PPOX: variants seen among roughly 807,000 people sequenced by gnomAD.
PPOX encodes the protein variegate porphyria.
A neutral mutation model predicts 54.1 loss-of-function variants in PPOX; 23 were observed. The ratio of observed to expected loss-of-function variants is 0.43; its 90% confidence interval spans 0.31 to 0.60. PPOX has a LOEUF of 0.60. PPOX is among the 20% of genes least tolerant of loss of function. The probability of loss-of-function intolerance (pLI) is 0.13; values close to 1 mark genes in which losing one functional copy is unlikely to be tolerated. For synonymous variants in PPOX, 224 were observed against 236.1 expected (o/e 0.95, Z 0.47); for missense variants, 512 against 601.1 (o/e 0.85, Z 1.55).
intron 4 of PPOX, chr1:161,176,223 C>T (rs1002159189): frequency 2.8e-5 from 24 of 861,372 alleles, no homozygotes; most frequent in African/African-American, 2.6e-4. Context: ...TGCACAGTCA[C>T]GCAAGGAAAC....
In PPOX at chr1:161,167,557, CTTTTTTTTTTTT is replaced by C. The variant is rs397731347; in HGVS notation, c.338+87_338+98del. On this transcript the variant is annotated intron_variant, in intron 4 of 12. Coordinates refer to ENST00000367999, the MANE Select transcript of PPOX (RefSeq NM_001122764.3). ...ATGCCTTCCATTTCTTTCTTCTTTT[CTTTTTTTTTTTT>C]TTTTTTTTTTTTTTTGAGACGGAGT... 1.3e-4 allele frequency: 70 copies of C among 555,118 alleles called. 2 individuals are homozygous for C. The highest frequency in any genetic ancestry group is 8.2e-4 in the African/African-American group (25 of 30,416). 34.4% of individuals were successfully genotyped at this position (555,118 alleles called of 1,614,324 possible).
At chr1:161,165,877 C>A (rs1027835001), upstream of PPOX, among the ~76,000 whole-genome samples, 1 of 152,034 alleles carries the variant, frequency 6.6e-6, no homozygotes, top group Non-Finnish European at 1.5e-5. Flanking sequence ...GGACCTGTGT[C>A]CCCCAGCAGT....
intron 12 of PPOX, 29 bp downstream of exon 12, chr1:161,170,978 A>G (rs1365451585): frequency 6.2e-7 from 1 of 1,614,106 alleles, no homozygotes; most frequent in African/African-American, 1.3e-5. Flanking sequence ...TGGGCTGAGG[A>G]GGGCCAAGGA....
chr1:161,176,233 C>T, intron 4 of PPOX: 1 of 805,714 alleles, frequency 1.2e-6, no homozygotes, highest in South Asian at 1.8e-5. Flanking sequence ...CGCAAGGAAA[C>T]AGAATGTAAC....
rs1174500278 is a variant in PPOX, at chr1:161,167,587, G to T, written c.338+101G>T. ...TTTTTTTTTTTTTTTTTTTTTTTGAGACGGAGTATCGCTCTCGCCCAGGAT... is the reference window on the plus strand; with the variant it reads ...TTTTTTTTTTTTTTTTTTTTTTTGATACGGAGTATCGCTCTCGCCCAGGAT... On this transcript the variant is annotated intron_variant, in intron 4 of 12. Transcript: ENST00000367999. 1.1e-4 allele frequency: 105 copies of T among 920,624 alleles called. No homozygotes were observed. In the African/African-American group the frequency reaches 2.3e-3, roughly 20 times the overall value. 57.0% of individuals were successfully genotyped at this position (920,624 alleles called of 1,614,324 possible). A position where few individuals can be genotyped will look rare whatever the true frequency, so the allele number is the denominator to read the frequency against.
Position 161,168,451 on chromosome 1 carries a change from A to C in PPOX, c.491A>C (p.Asp164Ala). 6.2e-7 allele frequency: 1 copy of C among 1,614,074 alleles called. No homozygotes were observed. The highest frequency in any genetic ancestry group is 8.5e-7 in the Non-Finnish European group (1 of 1,180,004). ...LGPEVASLAM[D>A]SLCRGVFAGN... ...CTTAAGGTGGCGTCTCTAGCCATGG[A>C]CAGTCTCTGCCGTGGAGTGTTTGCA... The change falls in exon 6 of 13, where the codon GAC (aspartate) becomes GCC (alanine). Residue 164 changes from aspartate (D) to alanine (A), a missense_variant. Asp to Ala is a moderately radical substitution (Grantham distance 126). Transcript: ENST00000367999.
intron 8 of PPOX, 70 bp from the exon 9 acceptor site, chr1:161,169,836 T>C: frequency 6.2e-7 from 1 of 1,613,834 alleles, no homozygotes; most frequent in Non-Finnish European, 8.5e-7. Flanking sequence ...TCTATGGGAG[T>C]CTAATCCCAA....
intron 4 of PPOX, chr1:161,176,297 T>C: frequency 1.7e-6 from 1 of 589,746 alleles, no homozygotes; most frequent in Non-Finnish European, 3.0e-6. Context: ...CTCCTCTACC[T>C]CCCCCCAAAC....
chr1:161,171,905 AG>A (rs1661581859), downstream of PPOX: 1 of 1,614,052 alleles, frequency 6.2e-7, no homozygotes, highest in Non-Finnish European at 8.5e-7. Context: ...TCTTGACGGA[AG>A]GCTTGGGAGG....
At position 161,169,886 on chromosome 1, in the gene PPOX, G is replaced by C; in HGVS notation, c.869-20G>C. On this transcript the variant is annotated intron_variant, in intron 8 of 12. Coordinates refer to ENST00000367999, the MANE Select transcript of PPOX (RefSeq NM_001122764.3). The stretch of plus-strand genomic sequence containing the variant: ...TGTAATGGGAATGCCTTCTGAGTCA[G>C]GCCTCTGCCTGATCTCTAGTGCTCA... 6.2e-7 allele frequency: 1 copy of C among 1,614,190 alleles called. No homozygotes were observed. The highest frequency in any genetic ancestry group is 8.5e-7 in the Non-Finnish European group (1 of 1,180,034).
At chr1:161,173,519 G>C, downstream of PPOX, 1 of 1,586,664 alleles carries the variant, frequency 6.3e-7, no homozygotes, top group East Asian at 2.2e-5. Context: ...CTAAAGGTTA[G>C]TGTTGAAGGG....
chr1:161,169,109 A>G lies in PPOX; in HGVS notation c.733A>G (p.Thr245Ala), dbSNP rs1660198633. 1.2e-6 allele frequency: 2 copies of G among 1,613,990 alleles called. No homozygotes were observed. Among genetic ancestry groups the G allele is most frequent in the African/African-American group, 2.7e-5 (2 of 74,876 alleles). Residue 245 changes from threonine (T) to alanine (A), a missense_variant, in exon 7 of 13, where the codon ACT becomes GCT. Coordinates refer to ENST00000367999, the MANE Select transcript of PPOX (RefSeq NM_001122764.3). ...MLPQALETHLTSRGVSVLRGQ... is the reference protein window; with the variant it reads ...MLPQALETHLASRGVSVLRGQ... ...GCCTCAGGCCCTTGAAACCCACCTGACTAGTAGGGGGGTCAGTGTTCTCAG... is the reference window on the plus strand; with the variant it reads ...GCCTCAGGCCCTTGAAACCCACCTGGCTAGTAGGGGGGTCAGTGTTCTCAG...
chr1:161,169,314 G>A (rs1254680886), intron 7 of PPOX, 131 bp downstream of exon 7: 25 of 1,097,976 alleles, frequency 2.3e-5, no homozygotes, highest in Admixed American at 6.2e-5. Context: ...TTAGACATGG[G>A]CTACCCCAGA....
downstream of PPOX, chr1:161,171,949 C>T (rs768971975): frequency 2.9e-5 from 46 of 1,613,948 alleles, no homozygotes; most frequent in South Asian, 3.3e-4. Flanking sequence ...AGAAGGAGCC[C>T]GAGGACCCCG....
At chr1:161,165,947 C>T (rs139569902), upstream of PPOX, 2,918 of 234,188 alleles carry the variant, frequency 0.012, 42 homozygotes, top group South Asian at 0.046. Context: ...TGCGTGCAGG[C>T]TCTGGGGCGA....
chr1:161,175,988 ACAT>A, downstream of PPOX: 1 of 1,614,100 alleles, frequency 6.2e-7, no homozygotes, highest in Non-Finnish European at 8.5e-7. Flanking sequence ...AGTGACAGGT[ACAT>A]CATGACAGCC....
chr1:161,167,826 G>A, intron 4 of PPOX, 169 bp from the exon 5 acceptor site: 1 of 1,104,952 alleles, frequency 9.1e-7, no homozygotes, highest in Non-Finnish European at 1.3e-6. Context: ...GCCTGCCAAA[G>A]TGCTGGGATT....
At chr1:161,166,299 T>TA (rs1658864715), upstream of PPOX, 1 of 1,022,144 alleles carries the variant, frequency 9.8e-7, no homozygotes, top group Non-Finnish European at 1.2e-6. Context: ...CTCCAGCTCT[T>TA]ACAGCTGCCG....
At position 161,169,642 on chromosome 1, in the gene PPOX, A is replaced by G; in HGVS notation, c.808-18A>G. On this transcript the variant is annotated intron_variant, in intron 7 of 12. Transcript: ENST00000367999. ...AATTCTCATTTTCTGGGTCTCTCAA[A>G]TGTTTTCATGCTCTCAGGTATCTCT... 1.2e-6 allele frequency: 2 copies of G among 1,613,154 alleles called. No homozygotes were observed. The highest frequency in any genetic ancestry group is 1.7e-6 in the Non-Finnish European group (2 of 1,179,098).
Sources: gnomAD v4.1 joint callset for allele counts (sites outside exome capture counted in the v4.1 genomes callset) on GRCh38, gnomAD v4.1.1 for gene constraint, MANE v1.5 for transcripts, NCBI Gene and HGNC (gene_info 2026-07-23, HGNC 2026-07-21) for gene names.